ANKRD36: variants seen among roughly 807,000 people sequenced by gnomAD.
ANKRD36 encodes the protein ankyrin repeat domain-containing protein 36A.
In ANKRD36, 179 loss-of-function variants were observed where a neutral mutation model predicts 278.1. The ratio of observed to expected loss-of-function variants is 0.64; its 90% CI spans 0.57 to 0.73. The LOEUF (loss-of-function observed/expected upper bound fraction) is 0.73. Among genes scored for constraint, ANKRD36 ranks in the 30% least tolerant of loss-of-function variants. The pLI, the probability that ANKRD36 is intolerant of heterozygous loss-of-function variation, is 0.00. For missense variants in ANKRD36, 1,159 were observed against 1,956.7 expected, an observed-to-expected ratio of 0.59 and a Z score of 7.69; for synonymous variants, 320 against 641.1, an observed-to-expected ratio of 0.50 and a Z score of 7.57.
chr2:97,172,736 G>T (rs2052962058), intron 22 of ANKRD36, among the ~76,000 whole-genome samples: 2 of 151,880 alleles, frequency 1.3e-5, no homozygotes, highest in South Asian at 2.1e-4. Context: ...CCCCTTTGTT[G>T]ATCCCTATAG....
intron 6 of ANKRD36, among the ~76,000 whole-genome samples, chr2:97,138,124 G>T (rs1157215254): frequency 7.1e-6 from 1 of 140,358 alleles, no homozygotes; most frequent in Non-Finnish European, 1.7e-5. Context: ...GAAATAAACG[G>T]TATTCAAATA....
chr2:97,245,983 T>TAGA lies in ANKRD36; in HGVS notation c.5325_5327dup (p.Glu1775dup). On this transcript the variant is annotated inframe_insertion, in exon 71 of 76. Transcript: ENST00000420699. ...GAGTGCAGAAAGCACCGTCTTTTAC[T>TAGA]AGAAGAAGACAATAAAATGTTGGTC... is the stretch of plus-strand genomic sequence containing the variant. The TAGA allele has an allele frequency of 3.4e-6, 1 of 291,702 alleles. No homozygotes were observed. The highest frequency in any genetic ancestry group is 8.0e-5 in the East Asian group (1 of 12,462). 18.1% of individuals were successfully genotyped at this position (291,702 alleles called of 1,614,324 possible).
At chr2:97,210,707 C>T (rs1029120569) in intron 56 of ANKRD36, among the ~76,000 whole-genome samples, 27 of 151,818 alleles carry the variant, frequency 1.8e-4, no homozygotes, top group African/African-American at 6.0e-4. Flanking sequence ...ATTTTAGAAA[C>T]AAAAATGATG....
At chr2:97,143,691 A>G (rs2043495988) in intron 8 of ANKRD36, among the ~76,000 whole-genome samples, 1 of 152,266 alleles carries the variant, frequency 6.6e-6, no homozygotes, top group Admixed American at 6.5e-5. Context: ...TGTTGAATTC[A>G]TTAATTGACT....
In ANKRD36 at chr2:97,168,311, G is replaced by A. The variant is rs1446593131; in HGVS notation, c.1633+544G>A. 2.0e-5 allele frequency among the ~76,000 whole-genome samples: 3 copies of A among 151,246 alleles called. No homozygotes were observed. In the East Asian group the frequency reaches 5.8e-4, roughly 29 times the overall value. ...TGTGATACCTCTGATTCTGGAAAAT[G>A]AATAAAGTCATTAATCATTTTTTCG... On this transcript the variant is annotated intron_variant, in intron 22 of 75. Coordinates refer to ENST00000420699, the MANE Select transcript of ANKRD36 (RefSeq NM_001354587.1).
chr2:97,233,560 T>C (rs566855323), intron 67 of ANKRD36, among the ~76,000 whole-genome samples, 170 bp from the exon 68 acceptor site: 1 of 152,210 alleles, frequency 6.6e-6, no homozygotes, highest in Non-Finnish European at 1.5e-5. Context: ...ATAGACCATG[T>C]GGTCTTCTGA....
intron 15 of ANKRD36, 138 bp from the exon 16 acceptor site, chr2:97,157,969 A>G (rs909344790): frequency 2.8e-6 from 2 of 706,820 alleles, no homozygotes; most frequent in African/African-American, 3.6e-5. Context: ...AGATAAGTAA[A>G]TGGCAGACTT....
intron 22 of ANKRD36, among the ~76,000 whole-genome samples, chr2:97,174,792 T>C (rs2053738485): frequency 6.6e-6 from 1 of 151,952 alleles, no homozygotes; most frequent in Non-Finnish European, 1.5e-5. Flanking sequence ...TATTTTGAAA[T>C]ATGTCCCATC....
chr2:97,158,726 A>C, intron 17 of ANKRD36, 71 bp downstream of exon 17: 1 of 1,382,532 alleles, frequency 7.2e-7, no homozygotes, highest in Non-Finnish European at 9.8e-7. Context: ...ACTCACTCTT[A>C]TCTGTTAATG....
intron 17 of ANKRD36, among the ~76,000 whole-genome samples, chr2:97,161,751 AG>A (rs1396039293): frequency 6.6e-6 from 1 of 152,230 alleles, no homozygotes; most frequent in Non-Finnish European, 1.5e-5. Context: ...TGCCCTCACT[AG>A]AAACACTTCA....
intron 6 of ANKRD36, among the ~76,000 whole-genome samples, chr2:97,141,006 T>A (rs926795194): frequency 6.6e-6 from 1 of 151,772 alleles, no homozygotes; most frequent in African/African-American, 2.4e-5. Flanking sequence ...ATCAATGATA[T>A]GTTCTTCGTT....
chr2:97,129,499 G>T (rs1453987795), intron 6 of ANKRD36, among the ~76,000 whole-genome samples: 5 of 151,980 alleles, frequency 3.3e-5, no homozygotes, highest in Admixed American at 2.6e-4. Flanking sequence ...GTCAATTTTG[G>T]CTTCTGTTGC....
intron 69 of ANKRD36, among the ~76,000 whole-genome samples, chr2:97,243,554 TTC>T (rs2074936512): frequency 1.1e-5 from 1 of 93,298 alleles, no homozygotes; most frequent in African/African-American, 3.5e-5. Flanking sequence ...GGAAAGGGGG[TTC>T]TCTATAGAAT....
rs753098968 is a variant in ANKRD36 at position 97,127,119 on chromosome 2, A to G, written c.784A>G (p.Ile262Val). Reference sequence around the variant, plus strand: ...AAGAAAGAGATATGAAGATCTTCCTATAAATAGCAATCCAGGTAAGATTTC... The same window carrying G: ...AAGAAAGAGATATGAAGATCTTCCTGTAAATAGCAATCCAGGTAAGATTTC... ...YERKRYEDLP[I>V]NSNPVSSQKQ... Residue 262 changes from isoleucine to valine, a missense_variant, in exon 6 of 76, where the codon ATA becomes GTA. Transcript: ENST00000420699. 9.2e-6 allele frequency: 12 copies of G among 1,299,522 alleles called. No individual in the cohort carries two copies. The highest frequency in any genetic ancestry group is 1.3e-5 in the Non-Finnish European group (12 of 952,904). 80.5% of individuals were successfully genotyped at this position (1,299,522 alleles called of 1,614,324 possible). A position where few individuals can be genotyped will look rare whatever the true frequency, so the allele number is the denominator to read the frequency against.
chr2:97,231,902 T>C (rs983815638), intron 67 of ANKRD36, among the ~76,000 whole-genome samples: 10 of 152,106 alleles, frequency 6.6e-5, no homozygotes, highest in African/African-American at 2.2e-4. Flanking sequence ...ACTGTTCATA[T>C]AGTGATAAAA....
chr2:97,130,002 G>T lies in ANKRD36; in HGVS notation c.799+2868G>T. Among the ~76,000 whole-genome samples, 2 of 152,018 alleles carry T rather than the reference G, an allele frequency of 1.3e-5. 1 individual carries two copies. The highest frequency in any genetic ancestry group is 2.9e-5 in the Non-Finnish European group (2 of 68,012). On this transcript the variant is annotated intron_variant, in intron 6 of 75. Transcript: ENST00000420699. Reference sequence around the variant, plus strand: ...CTTTAAAATAGTTTTTTCCAGTTCTGTGAAGAAAGTCATTGTTAGCTTGAT... The same window carrying T: ...CTTTAAAATAGTTTTTTCCAGTTCTTTGAAGAAAGTCATTGTTAGCTTGAT...
chr2:97,186,793 A>T (rs1261028391), intron 30 of ANKRD36, among the ~76,000 whole-genome samples: 1 of 151,902 alleles, frequency 6.6e-6, no homozygotes, highest in Non-Finnish European at 1.5e-5. Context: ...TGTTTGCAGT[A>T]TAATGGCGTA....
chr2:97,197,155 C>G (rs936885955), intron 42 of ANKRD36, among the ~76,000 whole-genome samples: 33 of 151,910 alleles, frequency 2.2e-4, no homozygotes, highest in African/African-American at 7.7e-4. Context: ...CTGCTAAAAA[C>G]AGACAGAAAA....
At chr2:97,221,023 C>T (rs1340697384) in intron 66 of ANKRD36, among the ~76,000 whole-genome samples, 20 of 96,628 alleles carry the variant, frequency 2.1e-4, no homozygotes, top group Middle Eastern at 4.5e-3. Context: ...TGAGAATATG[C>T]AGTGTTTGGT....
Sources: allele counts gnomAD v4.1 joint callset (sites outside exome capture counted in the v4.1 genomes callset), GRCh38; gene constraint gnomAD v4.1.1; transcripts MANE v1.5; gene names NCBI Gene and HGNC (gene_info 2026-07-23, HGNC 2026-07-21).